The following AGPAT5 variants were observed in gnomAD, a reference collection of about 807,000 sequenced individuals.
AGPAT5 encodes the protein 1-acyl-sn-glycerol-3-phosphate acyltransferase epsilon.
A neutral mutation model predicts 45.6 loss-of-function variants in AGPAT5; 46 were observed. That is an observed-to-expected ratio of 1.01 (90% CI 0.80 to 1.29). The LOEUF (loss-of-function observed/expected upper bound fraction) is 1.29, where lower values mean the gene tolerates loss of function less well. AGPAT5 is among the 50% of genes most tolerant of loss of function. AGPAT5 has a pLI of 0.00. For synonymous variants in AGPAT5, 272 were observed against 167.0 expected, an observed-to-expected ratio of 1.63 and a Z score of -4.85; for missense variants, 673 against 450.7, an observed-to-expected ratio of 1.49 and a Z score of -4.47.
intron 2 of AGPAT5, among the ~76,000 whole-genome samples, chr8:6,729,476 G>C (rs1330200478): frequency 1.3e-5 from 2 of 150,012 alleles, no homozygotes; most frequent in Non-Finnish European, 3.0e-5. Flanking sequence ...GTATCGTTGA[G>C]CTCATGTGTG....
At chr8:6,722,034 A>G (rs1230454119) in intron 1 of AGPAT5, among the ~76,000 whole-genome samples, 1 of 152,050 alleles carries the variant, frequency 6.6e-6, no homozygotes, top group Non-Finnish European at 1.5e-5. Flanking sequence ...AGGCTGATAA[A>G]TTGTGAAAAA....
At chr8:6,722,110 G>A (rs1800522734) in intron 1 of AGPAT5, among the ~76,000 whole-genome samples, 1 of 152,166 alleles carries the variant, frequency 6.6e-6, no homozygotes, top group Non-Finnish European at 1.5e-5. Context: ...AGATGACTAG[G>A]AAATGTATAG....
Position 6,733,681 on chromosome 8 carries a change from A to G in AGPAT5, c.495+1031A>G, listed in dbSNP as rs116139727. ...TGCATGTAGGTCTCCAAAAGACAGAATAAGTTGGTAATATGGTTTATCGAC... is the reference window on the plus strand; with the variant it reads ...TGCATGTAGGTCTCCAAAAGACAGAGTAAGTTGGTAATATGGTTTATCGAC... On this transcript the variant is annotated intron_variant, in intron 4 of 7. Coordinates refer to ENST00000285518, the MANE Select transcript of AGPAT5 (RefSeq NM_018361.5). Among the ~76,000 whole-genome samples the G allele has an allele frequency of 1.2e-3, 178 of 152,306 alleles. 1 individual carries two copies. The highest frequency in any genetic ancestry group is 4.0e-3 in the African/African-American group (167 of 41,560).
intron 7 of AGPAT5, among the ~76,000 whole-genome samples, chr8:6,755,807 G>C (rs1482124575): frequency 2.0e-5 from 3 of 152,104 alleles, no homozygotes; most frequent in African/African-American, 7.2e-5. Flanking sequence ...AACTTTACCA[G>C]GTGAAAATGA....
Position 6,755,160 on chromosome 8 carries a change from C to G in AGPAT5, c.855C>G (p.Phe285Leu). Residue 285 changes from phenylalanine (F) to leucine (L), a missense_variant, in exon 7 of 8, where the codon TTC (phenylalanine) becomes TTG (leucine). Physicochemically the swap from Phe to Leu is conservative, Grantham distance 22. Transcript: ENST00000285518. Reference sequence around the variant, plus strand: ...TGAGAAGATGGCTGCATGAACGTTTCGAAATCAAAGATAAGTGAGTAACAA... The same window carrying G: ...TGAGAAGATGGCTGCATGAACGTTTGGAAATCAAAGATAAGTGAGTAACAA... ...EHMRRWLHER[F>L]EIKDKMLIEF... 6.3e-7 allele frequency: 1 copy of G among 1,598,260 alleles called. No individual in the cohort carries two copies. Among genetic ancestry groups the G allele is most frequent in the Non-Finnish European group, 8.5e-7 (1 of 1,177,112 alleles).
rs765753866 is a variant in AGPAT5 at position 6,755,096 on chromosome 8, G to A, written c.791G>A (p.Arg264His). Residue 264 changes from arginine (R) to histidine (H), a missense_variant, in exon 7 of 8, where the codon CGT becomes CAT. Coordinates refer to ENST00000285518, the MANE Select transcript of AGPAT5 (RefSeq NM_018361.5). ...ECPKIHIHID[R>H]IDKKDVPEEQ... Reference sequence around the variant, plus strand: ...CCAAAAATTCATATTCACATTGATCGTATCGACAAAAAAGATGTCCCAGAA... The same window carrying A: ...CCAAAAATTCATATTCACATTGATCATATCGACAAAAAAGATGTCCCAGAA... 70 of 1,604,854 alleles carry A rather than the reference G, an allele frequency of 4.4e-5. No individual in the cohort carries two copies. Among genetic ancestry groups the A allele is most frequent in the Middle Eastern group, 1.6e-4 (1 of 6,068 alleles).
chr8:6,751,260 G>A (rs1354424348), intron 6 of AGPAT5, among the ~76,000 whole-genome samples: 1 of 152,084 alleles, frequency 6.6e-6, no homozygotes, highest in Admixed American at 6.5e-5. Flanking sequence ...ATATATAGTA[G>A]GCTATTTAAT....
At chr8:6,721,133 A>G (rs934150500) in intron 1 of AGPAT5, among the ~76,000 whole-genome samples, 3 of 152,250 alleles carry the variant, frequency 2.0e-5, no homozygotes, top group Admixed American at 6.5e-5. Context: ...TCAGAAGGGC[A>G]TAATAATTTT....
intron 2 of AGPAT5, among the ~76,000 whole-genome samples, chr8:6,726,799 C>T (rs1053230300): frequency 9.9e-5 from 15 of 152,154 alleles, no homozygotes; most frequent in Non-Finnish European, 1.8e-4. Flanking sequence ...TTTGTATCAC[C>T]GCTCTGGCAC....
At chr8:6,733,487 A>G (rs1800939995) in intron 4 of AGPAT5, among the ~76,000 whole-genome samples, 1 of 152,166 alleles carries the variant, frequency 6.6e-6, no homozygotes, top group Non-Finnish European at 1.5e-5. Context: ...TTTACATTAG[A>G]ACATTGCATC....
At chr8:6,739,959 T>C (rs1801188420) in intron 4 of AGPAT5, among the ~76,000 whole-genome samples, 1 of 152,144 alleles carries the variant, frequency 6.6e-6, no homozygotes, top group African/African-American at 2.4e-5. Context: ...CATATCATGA[T>C]ATGTAACGAC....
At position 6,708,814 on chromosome 8, in the gene AGPAT5, C is replaced by G; in HGVS notation, c.146C>G (p.Ala49Gly). ...TTCCTGCCCGCCCGCTTCTACCAAG[C>G]GCTGGACGACCGGCTCTACTGCGTC... ...SAFLPARFYQ[A>G]LDDRLYCVYQ... is the part of the protein sequence containing the mutation. The change falls in exon 1 of 8, where the codon GCG (alanine) becomes GGG (glycine). Residue 49 changes from alanine to glycine, a missense_variant. By Grantham distance (60) the Ala-to-Gly change is moderately conservative. Coordinates refer to ENST00000285518, the MANE Select transcript of AGPAT5 (RefSeq NM_018361.5). The G allele has an allele frequency of 6.2e-7, 1 of 1,611,498 alleles. No individual in the cohort carries two copies. Among genetic ancestry groups the G allele is most frequent in the Non-Finnish European group, 8.5e-7 (1 of 1,179,726 alleles).
chr8:6,709,257 A>ACCAC, intron 1 of AGPAT5: 1 of 276,580 alleles, frequency 3.6e-6, no homozygotes, highest in Admixed American at 5.1e-5. Context: ...CAGATCGGAG[A>ACCAC]CGTCTACACT....
At chr8:6,728,891 T>TC (rs1205149674) in intron 2 of AGPAT5, among the ~76,000 whole-genome samples, 1 of 152,200 alleles carries the variant, frequency 6.6e-6, no homozygotes, top group African/African-American at 2.4e-5. Flanking sequence ...GGAGAGGGCT[T>TC]CAACAGGAAT....
At chr8:6,741,609 A>G (rs767432931) in intron 4 of AGPAT5, 52 bp from the exon 5 acceptor site, 32 of 1,317,526 alleles carry the variant, frequency 2.4e-5, no homozygotes, top group Non-Finnish European at 3.2e-5. Flanking sequence ...GGTTAACAAT[A>G]ACAAAAACAA....
In AGPAT5 at chr8:6,759,846, T is replaced by C. The variant is rs1008783969; in HGVS notation, c.*2458T>C. Among the ~76,000 whole-genome samples the C allele has an allele frequency of 6.6e-6, 1 of 152,252 alleles. No individual in the cohort carries two copies. The highest frequency in any genetic ancestry group is 1.5e-5 in the Non-Finnish European group (1 of 68,054). Reference sequence around the variant, plus strand: ...TAAGCAGTATATTAGTTTGGTTATATAAATTCATCTGCAATTTATAAGATG... The same window carrying C: ...TAAGCAGTATATTAGTTTGGTTATACAAATTCATCTGCAATTTATAAGATG... On this transcript the variant is annotated 3_prime_UTR_variant, in exon 8 of 8. Coordinates refer to ENST00000285518, the MANE Select transcript of AGPAT5 (RefSeq NM_018361.5).
rs144566237 is a variant in AGPAT5 at position 6,735,164 on chromosome 8, G to A, written c.495+2514G>A. On this transcript the variant is annotated intron_variant, in intron 4 of 7. Transcript: ENST00000285518. ...CTGCCTTTACTAAGAGTTTTTCCCTGTTCTCTTCACCCAGCCTCATCGAGT... is the reference window on the plus strand; with the variant it reads ...CTGCCTTTACTAAGAGTTTTTCCCTATTCTCTTCACCCAGCCTCATCGAGT... 5.8e-4 allele frequency among the ~76,000 whole-genome samples: 88 copies of A among 152,164 alleles called. 1 individual carries two copies. The East Asian group carries it at 0.014, about 24-fold the overall frequency.
chr8:6,721,240 G>T (rs369507915), intron 1 of AGPAT5, among the ~76,000 whole-genome samples: 1 of 152,194 alleles, frequency 6.6e-6, no homozygotes, highest in East Asian at 1.9e-4. Context: ...AATATATTTC[G>T]TTGGCATAAA....
chr8:6,752,605 T>C (rs1459473447), intron 6 of AGPAT5, among the ~76,000 whole-genome samples: 1 of 152,200 alleles, frequency 6.6e-6, no homozygotes, highest in Non-Finnish European at 1.5e-5. Flanking sequence ...ACCTGTGACC[T>C]GTACGAATAG....
Sources: gnomAD v4.1 joint callset for allele counts (sites outside exome capture counted in the v4.1 genomes callset) on GRCh38, gnomAD v4.1.1 for gene constraint, MANE v1.5 for transcripts, NCBI Gene and HGNC (gene_info 2026-07-23, HGNC 2026-07-21) for gene names.